The following CREB5 variants were observed in gnomAD, a reference collection of about 807,000 sequenced individuals.
CREB5 encodes cyclic AMP-responsive element-binding protein 5.
A neutral mutation model predicts 57.1 loss-of-function variants in CREB5; 19 were observed. That is an observed-to-expected ratio of 0.33 (90% CI 0.23 to 0.49). The LOEUF is 0.49. Among genes scored for constraint, CREB5 ranks in the 20% least tolerant of loss-of-function variants. CREB5 has a pLI of 0.99. For synonymous variants in CREB5, 238 were observed against 238.3 expected, an observed-to-expected ratio of 1.00 and a Z score of 0.01; for missense variants, 579 against 671.6, an observed-to-expected ratio of 0.86 and a Z score of 1.52.
chr7:28,768,515 T>A (rs1806128161), intron 7 of CREB5, among the ~76,000 whole-genome samples: 1 of 152,206 alleles, frequency 6.6e-6, no homozygotes, highest in Non-Finnish European at 1.5e-5. Flanking sequence ...AGTTAGAGTT[T>A]CAGGAAAACA....
At chr7:28,556,091 T>A (rs561080733) in intron 4 of CREB5, among the ~76,000 whole-genome samples, 1 of 152,300 alleles carries the variant, frequency 6.6e-6, no homozygotes, top group African/African-American at 2.4e-5. Flanking sequence ...AGTCAACCCA[T>A]ATATCCTGGC....
chr7:28,377,105 A>G (rs547738393), intron 1 of CREB5, among the ~76,000 whole-genome samples: 1 of 152,264 alleles, frequency 6.6e-6, no homozygotes, highest in African/African-American at 2.4e-5. Context: ...TTACTCTACA[A>G]GGGGTCTTCT....
In CREB5 at chr7:28,465,309, GCTGC is replaced by G. The variant is rs561863447; in HGVS notation, c.4-22864_4-22861del. ...CTGGGAGTGCAGTGCAGAGCAATTTGCTGCCAGGCCGTGGAAAGGTGTTTGACAA... is the reference window on the plus strand; with the variant it reads ...CTGGGAGTGCAGTGCAGAGCAATTTGCAGGCCGTGGAAAGGTGTTTGACAA... On this transcript the variant is annotated intron_variant, in intron 1 of 10. Transcript: ENST00000357727. Among the ~76,000 whole-genome samples the G allele has an allele frequency of 4.6e-5, 7 of 152,302 alleles. No individual in the cohort carries two copies. The South Asian group carries it at 1.2e-3, about 27-fold the overall frequency.
intron 1 of CREB5, among the ~76,000 whole-genome samples, chr7:28,451,550 G>T (rs749006628): frequency 6.6e-6 from 1 of 151,574 alleles, no homozygotes; most frequent in Non-Finnish European, 1.5e-5. Context: ...GAGTGAAGCT[G>T]GTTTGTGAGG....
At chr7:28,352,088 CTA>C (rs1163750658) in intron 1 of CREB5, among the ~76,000 whole-genome samples, 1 of 152,158 alleles carries the variant, frequency 6.6e-6, no homozygotes, top group Non-Finnish European at 1.5e-5. Flanking sequence ...CATAGAGCTG[CTA>C]TGTTATCATC....
chr7:28,736,636 G>T (rs1051059760), intron 7 of CREB5, among the ~76,000 whole-genome samples: 1 of 152,102 alleles, frequency 6.6e-6, no homozygotes, highest in Non-Finnish European at 1.5e-5. Flanking sequence ...CCCAGCTCTG[G>T]TTTCAAATCT....
intron 1 of CREB5, among the ~76,000 whole-genome samples, chr7:28,390,858 A>G (rs1787203002): frequency 6.6e-6 from 1 of 150,422 alleles, no homozygotes; most frequent in African/African-American, 2.5e-5. Flanking sequence ...AATTGACAAC[A>G]GAGTTCAAGT....
intron 5 of CREB5, among the ~76,000 whole-genome samples, chr7:28,657,738 A>AAAAAAAAAAAT (rs1554281277): frequency 3.6e-5 from 5 of 139,818 alleles, no homozygotes; most frequent in Non-Finnish European, 3.1e-5. Flanking sequence ...AAAAAAAAAA[A>AAAAAAAAAAAT]GAATAAAATT....
rs1562797659 is a variant in CREB5 at position 28,560,899 on chromosome 7, TGCGCGCGTGC to T, written c.292-9464_292-9455del. On this transcript the variant is annotated intron_variant, in intron 4 of 10. Transcript: ENST00000357727. ...GCGTGCGTGCGTGCGTGTGTGTGCG[TGCGCGCGTGC>T]GTGTGCGTGTGTGCGCGTGCGTGTG... Among the ~76,000 whole-genome samples, 24 of 18,662 alleles carry T rather than the reference TGCGCGCGTGC, an allele frequency of 1.3e-3. 2 individuals carry two copies. The highest frequency in any genetic ancestry group is 5.7e-3 in the African/African-American group (23 of 4,010). The allele number at this position is 18,662 out of a possible 152,430, so 12.2% of individuals were successfully genotyped here. A position where few individuals can be genotyped will look rare whatever the true frequency, so the allele number is the denominator to read the frequency against.
intron 4 of CREB5, among the ~76,000 whole-genome samples, chr7:28,569,661 T>C (rs1380428920): frequency 2.0e-5 from 3 of 152,198 alleles, no homozygotes; most frequent in African/African-American, 4.8e-5. Flanking sequence ...ACATCCTATG[T>C]TCCAGAGGAA....
intron 7 of CREB5, among the ~76,000 whole-genome samples, chr7:28,767,432 G>C (rs1806065986): frequency 6.6e-6 from 1 of 152,058 alleles, no homozygotes; most frequent in African/African-American, 2.4e-5. Context: ...ATCTTTTCAG[G>C]AATCTTCCTA....
chr7:28,515,911 T>A (rs970945944), intron 4 of CREB5, among the ~76,000 whole-genome samples: 90 of 138,514 alleles, frequency 6.5e-4, no homozygotes, highest in South Asian at 7.4e-4. Context: ...AAAGTAAAAA[T>A]ATATATATAT....
At chr7:28,550,667 A>T (rs1271318372) in intron 4 of CREB5, among the ~76,000 whole-genome samples, 2 of 152,164 alleles carry the variant, frequency 1.3e-5, no homozygotes, top group Non-Finnish European at 2.9e-5. Context: ...AGTCAGGTGG[A>T]TATTGCCTAA....
rs1248696788 is a variant in CREB5 at position 28,412,873 on chromosome 7, G to A, written c.-42G>A. 1 of 1,460,266 alleles carries A rather than the reference G, an allele frequency of 6.8e-7. No individual in the cohort carries two copies. Among genetic ancestry groups the A allele is most frequent in the Admixed American group, 2.4e-5 (1 of 41,904 alleles). The allele number at this position is 1,460,266 out of a possible 1,614,324, so 90.5% of individuals were successfully genotyped here. On this transcript the variant is annotated 5_prime_UTR_variant, in exon 1 of 11. Coordinates refer to ENST00000357727, the MANE Select transcript of CREB5 (RefSeq NM_182898.4). ...AAAGGAAGAAAAAACTTGATTTGGTGACTGCAGGAAGCAACACGTTGCTGC... is the reference window on the plus strand; with the variant it reads ...AAAGGAAGAAAAAACTTGATTTGGTAACTGCAGGAAGCAACACGTTGCTGC...
At position 28,423,544 on chromosome 7, in the gene CREB5, GGATT is replaced by G. The variant is rs560118715; in HGVS notation, c.3+10632_3+10635del. Reference sequence around the variant, plus strand: ...AAGAGGCAAGAGCAGTATGACTTGGGGATTGATTAACTGGAAGATGAGGGGTCCA... The same window carrying G: ...AAGAGGCAAGAGCAGTATGACTTGGGGATTAACTGGAAGATGAGGGGTCCA... On this transcript the variant is annotated intron_variant, in intron 1 of 10. Transcript: ENST00000357727. 2.5e-3 allele frequency among the ~76,000 whole-genome samples: 379 copies of G among 152,162 alleles called. 2 individuals are homozygous for G. Among genetic ancestry groups the G allele is most frequent in the African/African-American group, 8.3e-3 (343 of 41,516 alleles).
At chr7:28,785,901 A>C (rs554155037) in intron 7 of CREB5, among the ~76,000 whole-genome samples, 1 of 152,298 alleles carries the variant, frequency 6.6e-6, no homozygotes, top group Admixed American at 6.5e-5. Context: ...TCCAATAAGG[A>C]TCCTGTTTAA....
chr7:28,459,794 A>G (rs1252109317), intron 1 of CREB5, among the ~76,000 whole-genome samples: 1 of 152,158 alleles, frequency 6.6e-6, no homozygotes, highest in Non-Finnish European at 1.5e-5. Context: ...TGTTTTCATT[A>G]ATTAATGTTT....
At chr7:28,713,803 T>C (rs1275208568) in intron 5 of CREB5, among the ~76,000 whole-genome samples, 1 of 152,140 alleles carries the variant, frequency 6.6e-6, no homozygotes, top group East Asian at 1.9e-4. Context: ...AAGAGTCTTT[T>C]CCCCCAGTCA....
intron 1 of CREB5, among the ~76,000 whole-genome samples, chr7:28,328,356 G>A (rs1158113980): frequency 6.6e-6 from 1 of 152,126 alleles, no homozygotes; most frequent in Non-Finnish European, 1.5e-5. Context: ...ACACAAAAGG[G>A]TTATGACTGT....
Sources: allele counts gnomAD v4.1 joint callset (sites outside exome capture counted in the v4.1 genomes callset), GRCh38; gene constraint gnomAD v4.1.1; transcripts MANE v1.5; gene names NCBI Gene and HGNC (gene_info 2026-07-23, HGNC 2026-07-21).